HERC1: variants seen among roughly 807,000 people sequenced by gnomAD.
HERC1 encodes probable E3 ubiquitin-protein ligase HERC1.
Under a neutral mutation model 554.3 loss-of-function variants are expected in HERC1, and 160 were observed. That is an observed-to-expected ratio of 0.29 (90% CI 0.25 to 0.33). The LOEUF (loss-of-function observed/expected upper bound fraction) is 0.33, where lower values mean the gene tolerates loss of function less well. HERC1 is among the 10% of genes least tolerant of loss of function. The pLI, the probability that HERC1 is intolerant of heterozygous loss-of-function variation, is 1.00. For missense variants in HERC1, 4,919 were observed against 5,918.5 expected (o/e 0.83, Z 5.54); for synonymous variants, 2,175 against 2,131.7 (o/e 1.02, Z -0.56).
chr15:63,783,043 G>A (rs2076331819), intron 1 of HERC1, among the ~76,000 whole-genome samples: 1 of 152,196 alleles, frequency 6.6e-6, no homozygotes, highest in African/African-American at 2.4e-5. Flanking sequence ...GATATTCCTG[G>A]TGAAGATGCT....
At position 63,789,088 on chromosome 15, in the gene HERC1, T is replaced by G. The variant is rs1328544318; in HGVS notation, c.-26-13439A>C. Among the ~76,000 whole-genome samples, 801 of 109,804 alleles carry G rather than the reference T, an allele frequency of 7.3e-3. 10 individuals are homozygous for G. Among genetic ancestry groups the G allele is most frequent in the African/African-American group, 0.018 (445 of 24,294 alleles). The allele number at this position is 109,804 out of a possible 152,430, so 72.0% of individuals were successfully genotyped here. A position where few individuals can be genotyped will look rare whatever the true frequency, so the allele number is the denominator to read the frequency against. ...AAGCAGGAATAAAAGGTTTTTTTTT[T>G]TTTTTTTTTTTTTTTTTTTTGAGAC... On this transcript the variant is annotated intron_variant, in intron 1 of 77. Transcript: ENST00000443617.
At chr15:63,613,052 A>T (rs1595813370) in intron 76 of HERC1, among the ~76,000 whole-genome samples, 1 of 152,258 alleles carries the variant, frequency 6.6e-6, no homozygotes, top group East Asian at 1.9e-4. Context: ...ATCGTAAAAA[A>T]AATCTGAAAA....
chr15:63,757,205 G>C (rs1211205623), intron 4 of HERC1, among the ~76,000 whole-genome samples: 2 of 148,416 alleles, frequency 1.3e-5, no homozygotes, highest in Non-Finnish European at 1.5e-5. Flanking sequence ...AAAAAAAAAA[G>C]TGATCATAAG....
Position 63,787,542 on chromosome 15 carries a change from A to G in HERC1, c.-26-11893T>C, listed in dbSNP as rs141395578. ...AGGGTATGTTACTGAAAGAAGAGAG[A>G]ACCAATGGTGGGCAACAAATACTCA... On this transcript the variant is annotated intron_variant, in intron 1 of 77. Transcript: ENST00000443617. 6.8e-3 allele frequency among the ~76,000 whole-genome samples: 1,034 copies of G among 152,244 alleles called. 17 individuals are homozygous for G. Among genetic ancestry groups the G allele is most frequent in the Non-Finnish European group, 5.9e-3 (403 of 68,010 alleles).
chr15:63,747,683 C>T lies in HERC1; in HGVS notation c.2354+41G>A, dbSNP rs1229818218. ...TTATACACATGCACACACGCGCGCG[C>T]ACACACACACACAAAGATACAAAAC... On this transcript the variant is annotated intron_variant, in intron 11 of 77. Coordinates refer to ENST00000443617, the MANE Select transcript of HERC1 (RefSeq NM_003922.4). 4.5e-6 allele frequency: 5 copies of T among 1,105,176 alleles called. No individual in the cohort carries two copies. In the African/African-American group the frequency reaches 4.8e-5, roughly 11 times the overall value. 68.5% of individuals were successfully genotyped at this position (1,105,176 alleles called of 1,614,324 possible).
rs527524977 is a variant in HERC1, at chr15:63,724,745, T to G, written c.3568+547A>C. Among the ~76,000 whole-genome samples, 10 of 152,340 alleles carry G rather than the reference T, an allele frequency of 6.6e-5. No homozygotes were observed. The East Asian group carries it at 1.7e-3, about 26-fold the overall frequency. ...GATTATCTGGGGTACCAGATAAGTCTTCATGTTCAGTCTAGGAACTAGCCT... is the reference window on the plus strand; with the variant it reads ...GATTATCTGGGGTACCAGATAAGTCGTCATGTTCAGTCTAGGAACTAGCCT... On this transcript the variant is annotated intron_variant, in intron 18 of 77. Transcript: ENST00000443617.
intron 76 of HERC1, among the ~76,000 whole-genome samples, chr15:63,615,280 G>A (rs2067765961): frequency 6.6e-6 from 1 of 152,170 alleles, no homozygotes; most frequent in East Asian, 1.9e-4. Flanking sequence ...GGAGAAAAAG[G>A]CCTGAGAAGT....
intron 52 of HERC1, 123 bp from the exon 53 acceptor site, chr15:63,651,503 AC>A (rs2069675875): frequency 1.1e-6 from 1 of 892,148 alleles, no homozygotes; most frequent in African/African-American, 1.7e-5. Flanking sequence ...CTGTTTCAAA[AC>A]CTTGGCTAGC....
chr15:63,641,540 A>G lies in HERC1; in HGVS notation c.11537T>C (p.Met3846Thr). The part of the protein sequence containing the change: ...LKQQGVLGLN[M>T]APCMRAFLER... ...CAAAAATGCTCTCATGCAGGGAGCCATGTTCAATCCCAGAACACCCTGCTG... is the reference window on the plus strand; with the variant it reads ...CAAAAATGCTCTCATGCAGGGAGCCGTGTTCAATCCCAGAACACCCTGCTG... The change falls in exon 60 of 78, where the codon ATG (methionine) becomes ACG (threonine). Residue 3846 changes from methionine (M) to threonine (T), a missense_variant. Met to Thr is a moderately conservative substitution (Grantham distance 81). Around this residue, in one of 11 missense-constraint regions of HERC1, gnomAD observed 1,963 missense variants for 2,228.6 expected, o/e 0.88. Coordinates refer to ENST00000443617, the MANE Select transcript of HERC1 (RefSeq NM_003922.4). 6.2e-7 allele frequency: 1 copy of G among 1,613,182 alleles called. No individual in the cohort carries two copies. The highest frequency in any genetic ancestry group is 8.5e-7 in the Non-Finnish European group (1 of 1,179,538).
chr15:63,805,952 A>C lies in HERC1; in HGVS notation c.-27+27875T>G, dbSNP rs1045404467. Among the ~76,000 whole-genome samples, 14 of 151,972 alleles carry C rather than the reference A, an allele frequency of 9.2e-5. No individual in the cohort carries two copies. In the East Asian group the frequency reaches 9.7e-4, roughly 11 times the overall value. On this transcript the variant is annotated intron_variant, in intron 1 of 77. Transcript: ENST00000443617. ...AGCAAGACCCTATCTCAAAACAAAA[A>C]AAAAAAAACAAACAAAACCCAATTA...
intron 64 of HERC1, among the ~76,000 whole-genome samples, chr15:63,636,466 T>A (rs1470243988): frequency 1.3e-5 from 2 of 152,026 alleles, no homozygotes; most frequent in African/African-American, 4.8e-5. Context: ...AGACAGGGTT[T>A]TACCATGCTG....
chr15:63,793,743 A>AC (rs1441864509), intron 1 of HERC1, among the ~76,000 whole-genome samples: 2 of 151,674 alleles, frequency 1.3e-5, no homozygotes, highest in Non-Finnish European at 1.5e-5. Context: ...CTGGATAGGG[A>AC]CCCCTTTCCA....
At position 63,652,605 on chromosome 15, in the gene HERC1, G is replaced by A. The variant is rs186346518; in HGVS notation, c.10291-64C>T. 5 of 1,320,310 alleles carry A rather than the reference G, an allele frequency of 3.8e-6. No homozygotes were observed. In the African/African-American group the frequency reaches 4.5e-5, roughly 12 times the overall value. The allele number at this position is 1,320,310 out of a possible 1,614,324, so 81.8% of individuals were successfully genotyped here. A position where few individuals can be genotyped will look rare whatever the true frequency, so the allele number is the denominator to read the frequency against. ...TCAAATGATTTTATTATTTGAAAAA[G>A]TTGTATCCAATTTTTAAAAATCTAC... On this transcript the variant is annotated intron_variant, in intron 51 of 77. Coordinates refer to ENST00000443617, the MANE Select transcript of HERC1 (RefSeq NM_003922.4).
intron 3 of HERC1, among the ~76,000 whole-genome samples, chr15:63,763,696 A>C (rs2075683467): frequency 6.6e-6 from 1 of 151,976 alleles, no homozygotes; most frequent in African/African-American, 2.4e-5. Flanking sequence ...TTTGGGGAGG[A>C]GAAAAGAGGT....
chr15:63,796,953 T>C (rs1471384428), intron 1 of HERC1, among the ~76,000 whole-genome samples: 1 of 151,906 alleles, frequency 6.6e-6, no homozygotes, highest in Non-Finnish European at 1.5e-5. Flanking sequence ...GAGAGGAGGG[T>C]ATTATGAGGC....
At chr15:63,610,639 G>A (rs1351718459) in intron 77 of HERC1, among the ~76,000 whole-genome samples, 1 of 152,198 alleles carries the variant, frequency 6.6e-6, no homozygotes, top group South Asian at 2.1e-4. Context: ...CTTCCTGCAC[G>A]TGGCTTCTCC....
At position 63,725,329 on chromosome 15, in the gene HERC1, C is replaced by T. The variant is rs775684366; in HGVS notation, c.3531G>A (p.Leu1177=). The T allele has an allele frequency of 6.2e-7, 1 of 1,613,906 alleles. No individual in the cohort carries two copies. The highest frequency in any genetic ancestry group is 8.5e-7 in the Non-Finnish European group (1 of 1,179,844). ...TGTCCATTTCTACACCGTCACTGAA[C>T]AGTGGCGTTTTCATCCAATATGCAG... ...QDTAYWMKTP[L]FSDGVEMDTP... is the part of the protein sequence containing the mutation. The change falls in exon 18 of 78, where the codon CTG becomes CTA. Residue 1177 remains leucine (L), a synonymous_variant. Coordinates refer to ENST00000443617, the MANE Select transcript of HERC1 (RefSeq NM_003922.4).
intron 7 of HERC1, 130 bp downstream of exon 7, chr15:63,754,375 T>C (rs2075350329): frequency 1.9e-6 from 1 of 526,952 alleles, no homozygotes; most frequent in South Asian, 6.8e-5. Context: ...TTGTAAAAGC[T>C]CAGTTCATTT....
At chr15:63,695,026 T>TA in intron 27 of HERC1, 132 bp from the exon 28 acceptor site, 1 of 347,392 alleles carries the variant, frequency 2.9e-6, no homozygotes, top group Non-Finnish European at 4.1e-6. Context: ...CTATATTTCA[T>TA]ATATAAAGTA....
Sources: gnomAD v4.1 joint callset for allele counts (sites outside exome capture counted in the v4.1 genomes callset) on GRCh38, gnomAD v4.1.1 for gene constraint, gnomAD v4.1.1 regional missense constraint, MANE v1.5 for transcripts, NCBI Gene and HGNC (gene_info 2026-07-23, HGNC 2026-07-21) for gene names.